The following TRIP4 variants were observed in gnomAD, a reference collection of about 807,000 sequenced individuals.
TRIP4 encodes the protein thyroid hormone receptor interactor 4.
In TRIP4, 54 loss-of-function variants were observed where a neutral mutation model predicts 81.8. That is an observed-to-expected ratio of 0.66 (90% CI 0.53 to 0.83). The LOEUF (loss-of-function observed/expected upper bound fraction) is 0.83. Among genes scored for constraint, TRIP4 ranks in the 40% least tolerant of loss-of-function variants. The pLI is 0.00. For missense variants in TRIP4, 662 were observed against 683.6 expected (o/e 0.97, Z 0.35); for synonymous variants, 270 against 242.8 (o/e 1.11, Z -1.04).
At position 64,397,588 on chromosome 15, in the gene TRIP4, G is replaced by A. The variant is rs1258010003; in HGVS notation, c.406-18G>A. The A allele has an allele frequency of 6.2e-7, 1 of 1,603,006 alleles. No homozygotes were observed. Among genetic ancestry groups the A allele is most frequent in the Non-Finnish European group, 8.5e-7 (1 of 1,171,308 alleles). ...GTCATTAATTATTTGATGTTATTTT[G>A]ATGTCTTTGTACGATAGGCACAAGA... On this transcript the variant is annotated intron_variant, in intron 3 of 12. Transcript: ENST00000261884.
intron 12 of TRIP4, among the ~76,000 whole-genome samples, chr15:64,453,092 A>T (rs1892808304): frequency 6.6e-6 from 1 of 152,218 alleles, no homozygotes; most frequent in Non-Finnish European, 1.5e-5. Context: ...AGGCTAAGGC[A>T]GAATTGCTTG....
intron 11 of TRIP4, among the ~76,000 whole-genome samples, chr15:64,431,946 G>A (rs985797133): frequency 7.2e-6 from 1 of 138,328 alleles, no homozygotes; most frequent in Non-Finnish European, 1.5e-5. Flanking sequence ...GAGTGCAGTG[G>A]AGTGATCTTG....
At chr15:64,410,300 A>G (rs1596343756) in intron 7 of TRIP4, among the ~76,000 whole-genome samples, 1 of 152,214 alleles carries the variant, frequency 6.6e-6, no homozygotes. Flanking sequence ...TGCTGGGATT[A>G]TAGGCATGAG....
chr15:64,424,987 G>A (rs1892107719), intron 10 of TRIP4, among the ~76,000 whole-genome samples: 2 of 152,216 alleles, frequency 1.3e-5, no homozygotes, highest in African/African-American at 4.8e-5. Context: ...ATGTTGGCCA[G>A]GCTGGTCTTG....
chr15:64,429,235 T>G (rs1175447749), intron 11 of TRIP4, among the ~76,000 whole-genome samples: 1 of 151,986 alleles, frequency 6.6e-6, no homozygotes, highest in Non-Finnish European at 1.5e-5. Flanking sequence ...GAGAATTGCT[T>G]GAACCTGGGA....
At chr15:64,453,091 C>G (rs956396347) in intron 12 of TRIP4, among the ~76,000 whole-genome samples, 3 of 152,132 alleles carry the variant, frequency 2.0e-5, no homozygotes, top group African/African-American at 7.2e-5. Flanking sequence ...GAGGCTAAGG[C>G]AGAATTGCTT....
chr15:64,438,693 C>T (rs935070023), intron 11 of TRIP4, among the ~76,000 whole-genome samples: 1 of 152,060 alleles, frequency 6.6e-6, no homozygotes, highest in Non-Finnish European at 1.5e-5. Flanking sequence ...TGGGTGATTC[C>T]CAGTTAGGCC....
At chr15:64,452,285 A>G (rs751065935) in intron 12 of TRIP4, among the ~76,000 whole-genome samples, 7 of 152,180 alleles carry the variant, frequency 4.6e-5, no homozygotes, top group Non-Finnish European at 1.0e-4. Flanking sequence ...CCCTGCCACA[A>G]ATCTGAAAAT....
At chr15:64,390,360 G>A (rs1209610274) in intron 1 of TRIP4, among the ~76,000 whole-genome samples, 1 of 151,076 alleles carries the variant, frequency 6.6e-6, no homozygotes, top group South Asian at 2.1e-4. Context: ...TACTCGGAAG[G>A]CTGAGGCAGG....
chr15:64,395,295 T>C (rs1900255618), intron 2 of TRIP4, 103 bp from the exon 3 acceptor site: 4 of 962,416 alleles, frequency 4.2e-6, no homozygotes, highest in Non-Finnish European at 5.7e-6. Context: ...ATATCTTGAC[T>C]CTAAATATTA....
intron 9 of TRIP4, among the ~76,000 whole-genome samples, chr15:64,421,027 C>T (rs1257264129): frequency 6.6e-6 from 1 of 151,318 alleles, no homozygotes; most frequent in Non-Finnish European, 1.5e-5. Flanking sequence ...ATTAGAATAC[C>T]GGCCGGTCAC....
chr15:64,387,856 T>A lies in TRIP4; in HGVS notation c.-8T>A, dbSNP rs943817999. 3.2e-6 allele frequency: 5 copies of A among 1,543,580 alleles called. No homozygotes were observed. Among genetic ancestry groups the A allele is most frequent in the African/African-American group, 1.4e-5 (1 of 72,998 alleles). On this transcript the variant is annotated 5_prime_UTR_variant, in exon 1 of 13. Coordinates refer to ENST00000261884, the MANE Select transcript of TRIP4 (RefSeq NM_016213.5). ...CTTTTGCAGCTCAGCTGGTTCCGGC[T>A]GGGGAAGATGGCGGTGGCTGGGGCG...
At position 64,425,551 on chromosome 15, in the gene TRIP4, C is replaced by T; in HGVS notation, c.1495C>T (p.Pro499Ser). 2 of 1,609,864 alleles carry T rather than the reference C, an allele frequency of 1.2e-6. No homozygotes were observed. Among genetic ancestry groups the T allele is most frequent in the East Asian group, 2.2e-5 (1 of 44,702 alleles). Reference protein sequence around the residue: ...RLLRGKDVEFPNDYPSGCLLG... With the variant: ...RLLRGKDVEFSNDYPSGCLLG... ...TATTCCTGATTCAGATGTGGAATTT[C>T]CTAATGACTATCCGTCAGGTTGTCT... The change falls in exon 11 of 13, where the codon CCT becomes TCT. Residue 499 changes from proline to serine, a missense_variant. By Grantham distance (74) the Pro-to-Ser change is moderately conservative. Transcript: ENST00000261884.
rs1334143606 is a variant in TRIP4 at position 64,414,186 on chromosome 15, C to G, written c.1145C>G (p.Pro382Arg). The change falls in exon 8 of 13, where the codon CCC (proline) becomes CGC (arginine). Residue 382 changes from proline (P) to arginine (R), a missense_variant. Pro to Arg is a moderately radical substitution (Grantham distance 103). Transcript: ENST00000261884. ...SEEPLGVLVN[P>R]NMYQSPPQWV... ...GAGCCTTTGGGAGTTCTGGTAAATC[C>G]CAACATGTACCAGTCCCCTCCCCAG... is the stretch of plus-strand genomic sequence containing the variant. 1 of 1,614,020 alleles carries G rather than the reference C, an allele frequency of 6.2e-7. No homozygotes were observed.
chr15:64,389,078 G>C (rs1023936587), intron 1 of TRIP4, among the ~76,000 whole-genome samples: 1 of 152,110 alleles, frequency 6.6e-6, no homozygotes, highest in Non-Finnish European at 1.5e-5. Context: ...AAACTCGGAA[G>C]GTTTATTGGA....
chr15:64,436,740 G>A (rs1440941874), intron 11 of TRIP4, among the ~76,000 whole-genome samples: 1 of 28,128 alleles, frequency 3.6e-5, no homozygotes, highest in South Asian at 1.1e-3. Context: ...TTGACATGTA[G>A]TTCTTTAGGT....
intron 3 of TRIP4, among the ~76,000 whole-genome samples, chr15:64,396,140 C>A (rs1205706462): frequency 6.6e-6 from 1 of 151,960 alleles, no homozygotes; most frequent in African/African-American, 2.4e-5. Flanking sequence ...AGCTGCTGAG[C>A]TCAGGCAATC....
chr15:64,398,905 T>C (rs951112969), intron 4 of TRIP4, among the ~76,000 whole-genome samples: 4 of 151,560 alleles, frequency 2.6e-5, no homozygotes, highest in African/African-American at 9.7e-5. Flanking sequence ...TTTTCTCCTC[T>C]TTTCTGATGG....
intron 3 of TRIP4, among the ~76,000 whole-genome samples, chr15:64,396,499 G>C (rs1477837110): frequency 2.0e-5 from 3 of 152,016 alleles, no homozygotes; most frequent in Non-Finnish European, 4.4e-5. Flanking sequence ...GGCTGGTCTT[G>C]AACTCCTGAC....
Sources: gnomAD v4.1 joint callset for allele counts (sites outside exome capture counted in the v4.1 genomes callset) on GRCh38, gnomAD v4.1.1 for gene constraint, MANE v1.5 for transcripts, NCBI Gene and HGNC (gene_info 2026-07-23, HGNC 2026-07-21) for gene names.